The following RBL1 variants were observed in gnomAD, a reference collection of about 807,000 sequenced individuals.
The protein encoded by RBL1 is RB transcriptional corepressor like 1.
A neutral mutation model predicts 123.0 loss-of-function variants in RBL1; 82 were observed. That is an observed-to-expected ratio of 0.67 (90% CI 0.56 to 0.80). The LOEUF is 0.80. RBL1 is among the 30% of genes least tolerant of loss of function. The probability of loss-of-function intolerance (pLI) is 0.00; values close to 1 mark genes in which losing one functional copy is unlikely to be tolerated. For missense variants in RBL1, 1,171 were observed against 1,299.6 expected (o/e 0.90, Z 1.52); for synonymous variants, 405 against 441.3 (o/e 0.92, Z 1.03).
intron 9 of RBL1, 90 bp from the exon 10 acceptor site, chr20:37,056,348 C>CTTA: frequency 4.2e-6 from 4 of 950,436 alleles, no homozygotes; most frequent in Non-Finnish European, 5.5e-6. Context: ...ATGCCTTCTT[C>CTTA]TTCTTTTTTT....
intron 7 of RBL1, among the ~76,000 whole-genome samples, chr20:37,064,931 C>A (rs920398994): frequency 1.5e-5 from 2 of 133,634 alleles, no homozygotes; most frequent in Non-Finnish European, 3.2e-5. Flanking sequence ...CGGCCTCTTT[C>A]TTTTTTTTTT....
chr20:37,054,470 C>T (rs55871331), intron 11 of RBL1, among the ~76,000 whole-genome samples: 28,510 of 151,004 alleles, frequency 0.19, 3,433 homozygotes, highest in Middle Eastern at 0.32. Flanking sequence ...GGTGACAGAG[C>T]GAGACTACAT....
intron 9 of RBL1, 111 bp downstream of exon 9, chr20:37,060,992 T>C (rs1463603797): frequency 8.4e-7 from 1 of 1,194,670 alleles, no homozygotes; most frequent in Non-Finnish European, 1.1e-6. Context: ...ATAGTAAAAC[T>C]TGCCAGATGA....
intron 2 of RBL1, among the ~76,000 whole-genome samples, chr20:37,085,097 G>A (rs2065518297): frequency 6.6e-6 from 1 of 151,574 alleles, no homozygotes; most frequent in African/African-American, 2.4e-5. Flanking sequence ...GTTAATTACG[G>A]AGAGTGCCAA....
Position 37,073,611 on chromosome 20 carries a change from T to G in RBL1, c.291-5425A>C, listed in dbSNP as rs533096034. Among the ~76,000 whole-genome samples, 5 of 148,658 alleles carry G rather than the reference T, an allele frequency of 3.4e-5. No homozygotes were observed. In the East Asian group the frequency reaches 7.9e-4, roughly 24 times the overall value. On this transcript the variant is annotated intron_variant, in intron 2 of 21. Transcript: ENST00000373664. ...TACTCAAGAGGCTGAGGTGGGAAGA[T>G]TGCTTGAGCCCAGGAGGTCAAGGCT...
At chr20:37,067,343 TATC>T (rs1220606238) in intron 3 of RBL1, 46 bp from the exon 4 acceptor site, 15 of 1,369,866 alleles carry the variant, frequency 1.1e-5, no homozygotes, top group African/African-American at 2.9e-5. Context: ...GCTCGCTAAA[TATC>T]ATGTAAACTG....
chr20:37,065,808 T>C (rs2065169047), intron 6 of RBL1, among the ~76,000 whole-genome samples: 1 of 152,132 alleles, frequency 6.6e-6, no homozygotes, highest in African/African-American at 2.4e-5. Context: ...GAGACAAGGT[T>C]TTGCCATGTT....
intron 9 of RBL1, 89 bp from the exon 10 acceptor site, chr20:37,056,347 TCTTC>T: frequency 7.6e-7 from 1 of 1,307,436 alleles, no homozygotes; most frequent in South Asian, 1.7e-5. Context: ...CATGCCTTCT[TCTTC>T]TTTTTTTTTT....
chr20:36,998,497 T>C lies in RBL1; in HGVS notation c.*262A>G, dbSNP rs2063913233. On this transcript the variant is annotated 3_prime_UTR_variant, in exon 22 of 22. Coordinates refer to ENST00000373664, the MANE Select transcript of RBL1 (RefSeq NM_002895.5). ...CCTTGGCCTCCCAAAGTCCTGGGAT[T>C]ACAGGCGTGAGCCACAGCGCCTGGC... is the stretch of plus-strand genomic sequence containing the variant. The C allele has an allele frequency of 3.3e-6, 1 of 303,448 alleles. No homozygotes were observed. The highest frequency in any genetic ancestry group is 6.1e-6 in the Non-Finnish European group (1 of 163,136). The allele number at this position is 303,448 out of a possible 1,614,324, so 18.8% of individuals were successfully genotyped here.
At chr20:37,091,665 C>CAAAAAAAAAAA (rs11421608) in intron 1 of RBL1, among the ~76,000 whole-genome samples, 1 of 105,928 alleles carries the variant, frequency 9.4e-6, no homozygotes. Context: ...GACTCTATCT[C>CAAAAAAAAAAA]AAAAAAAAAA....
chr20:37,064,759 A>ACG (rs2065152149), intron 7 of RBL1, among the ~76,000 whole-genome samples: 2 of 151,830 alleles, frequency 1.3e-5, no homozygotes, highest in African/African-American at 4.8e-5. Context: ...ACAGGTGTGC[A>ACG]CCACCACACC....
chr20:37,047,746 G>A lies in RBL1; in HGVS notation c.1468-556C>T, dbSNP rs1440412326. Among the ~76,000 whole-genome samples the A allele has an allele frequency of 5.3e-5, 8 of 152,090 alleles. No individual in the cohort carries two copies. In the South Asian group the frequency reaches 6.2e-4, roughly 12 times the overall value. ...TGTAATCTCGGCACTTTGGGAGGCC[G>A]AGGCAGGTGGATTGCTTGAGGTCAG... On this transcript the variant is annotated intron_variant, in intron 11 of 21. Coordinates refer to ENST00000373664, the MANE Select transcript of RBL1 (RefSeq NM_002895.5).
In RBL1 at chr20:37,008,073, C is replaced by T. The variant is rs564014494; in HGVS notation, c.2723-514G>A. On this transcript the variant is annotated intron_variant, in intron 19 of 21. Transcript: ENST00000373664. ...GCAAACATATGAACTGAAGGTGGTG[C>T]TCTTTTCTCTAGATTCCACTTCAGA... Among the ~76,000 whole-genome samples the T allele has an allele frequency of 3.9e-5, 6 of 152,304 alleles. No homozygotes were observed. In the South Asian group the frequency reaches 6.2e-4, roughly 16 times the overall value.
intron 16 of RBL1, 135 bp downstream of exon 16, chr20:37,032,530 C>A: frequency 7.4e-7 from 1 of 1,354,746 alleles, no homozygotes; most frequent in East Asian, 2.5e-5. Context: ...TTGAACTGTA[C>A]ACTTAAAAAT....
chr20:37,091,980 C>T (rs1175105640), intron 1 of RBL1, among the ~76,000 whole-genome samples: 3 of 152,038 alleles, frequency 2.0e-5, no homozygotes, highest in Admixed American at 2.0e-4. Context: ...TGGTGGCTTA[C>T]GCATGTAATT....
intron 19 of RBL1, among the ~76,000 whole-genome samples, chr20:37,013,039 G>A (rs1261290013): frequency 6.6e-6 from 1 of 152,154 alleles, no homozygotes; most frequent in Admixed American, 6.5e-5. Flanking sequence ...TGCCCCTACC[G>A]GGAAGTGAGG....
intron 7 of RBL1, among the ~76,000 whole-genome samples, chr20:37,062,963 CAG>C (rs2065119355): frequency 6.6e-6 from 1 of 152,074 alleles, no homozygotes; most frequent in Admixed American, 6.5e-5. Flanking sequence ...GCCTGGGCGA[CAG>C]AGCGAGACTC....
intron 21 of RBL1, chr20:37,003,490 G>A: frequency 1.0e-6 from 1 of 994,486 alleles, no homozygotes; most frequent in East Asian, 3.9e-5. Context: ...GACTTTCAAA[G>A]TGAACTCCAC....
At chr20:37,052,668 C>A (rs2064937936) in intron 11 of RBL1, among the ~76,000 whole-genome samples, 1 of 152,140 alleles carries the variant, frequency 6.6e-6, no homozygotes, top group East Asian at 1.9e-4. Flanking sequence ...CGCCACCACG[C>A]CTGGCTAATT....
Sources: gnomAD v4.1 joint callset for allele counts (sites outside exome capture counted in the v4.1 genomes callset) on GRCh38, gnomAD v4.1.1 for gene constraint, MANE v1.5 for transcripts, NCBI Gene and HGNC (gene_info 2026-07-23, HGNC 2026-07-21) for gene names.